Variants in DGKB observed in about 807,000 individuals in gnomAD.
DGKB encodes the protein 90 kDa diacylglycerol kinase.
Under a neutral mutation model 114.3 loss-of-function variants are expected in DGKB, and 67 were observed. The observed-to-expected ratio is 0.59, with a 90% CI of 0.48 to 0.72. The LOEUF is 0.72. Ranked by LOEUF, DGKB falls within the 30% of genes least tolerant of loss-of-function variation. DGKB has a pLI of 0.00. For missense variants in DGKB, 907 were observed against 975.2 expected, an observed-to-expected ratio of 0.93 and a Z score of 0.93; for synonymous variants, 398 against 323.1, an observed-to-expected ratio of 1.23 and a Z score of -2.49.
At chr7:14,388,149 T>C (rs934543709) in intron 21 of DGKB, among the ~76,000 whole-genome samples, 4 of 151,296 alleles carry the variant, frequency 2.6e-5, no homozygotes, top group African/African-American at 7.3e-5. Context: ...AGTGCTAGGA[T>C]TACAGACGTG....
chr7:14,822,626 T>C (rs1845099359), intron 2 of DGKB, among the ~76,000 whole-genome samples: 1 of 152,128 alleles, frequency 6.6e-6, no homozygotes, highest in African/African-American at 2.4e-5. Flanking sequence ...CAAGCTGTTG[T>C]TATATGACAG....
intron 1 of DGKB, among the ~76,000 whole-genome samples, chr7:14,874,487 A>G (rs1852957195): frequency 6.6e-6 from 1 of 152,034 alleles, no homozygotes; most frequent in African/African-American, 2.4e-5. Context: ...TGTATCTACA[A>G]AATCTTACGA....
At chr7:14,657,678 CTTAG>C (rs376706836) in intron 13 of DGKB, among the ~76,000 whole-genome samples, 34 of 151,792 alleles carry the variant, frequency 2.2e-4, no homozygotes, top group African/African-American at 8.0e-4. Flanking sequence ...AAGACACATC[CTTAG>C]TTAGTTATAT....
intron 21 of DGKB, among the ~76,000 whole-genome samples, chr7:14,393,684 C>T (rs1480709589): frequency 1.3e-5 from 2 of 152,104 alleles, no homozygotes; most frequent in Admixed American, 1.3e-4. Flanking sequence ...TTTATCTTCT[C>T]TTCCTTCATC....
intron 23 of DGKB, among the ~76,000 whole-genome samples, chr7:14,238,273 T>C (rs1262671865): frequency 6.6e-6 from 1 of 151,980 alleles, no homozygotes; most frequent in East Asian, 1.9e-4. Context: ...TTTCATAAGA[T>C]CTGACGGTTT....
At chr7:14,415,750 T>C (rs1037534110) in intron 21 of DGKB, among the ~76,000 whole-genome samples, 30 of 152,190 alleles carry the variant, frequency 2.0e-4, no homozygotes, top group Admixed American at 1.3e-4. Flanking sequence ...TGTGTCTTTA[T>C]AGCAGCATGA....
chr7:14,538,368 A>G (rs936248092), intron 20 of DGKB, among the ~76,000 whole-genome samples: 24 of 152,168 alleles, frequency 1.6e-4, no homozygotes, highest in African/African-American at 2.4e-5. Context: ...ATGATGCTCA[A>G]CAGTTGTATA....
At chr7:14,658,752 G>C (rs1005807018) in intron 13 of DGKB, among the ~76,000 whole-genome samples, 11 of 151,374 alleles carry the variant, frequency 7.3e-5, no homozygotes, top group Admixed American at 7.3e-4. Flanking sequence ...TAATAAATAT[G>C]ATTTAAAAAT....
At chr7:14,445,344 G>T (rs1029706366) in intron 21 of DGKB, among the ~76,000 whole-genome samples, 3 of 151,824 alleles carry the variant, frequency 2.0e-5, no homozygotes, top group African/African-American at 4.8e-5. Flanking sequence ...GATTTATTAT[G>T]TGGAAGAGGA....
chr7:14,822,883 C>T (rs934269728), intron 2 of DGKB, among the ~76,000 whole-genome samples: 5 of 152,012 alleles, frequency 3.3e-5, no homozygotes, highest in African/African-American at 1.2e-4. Flanking sequence ...TTTCTACTTA[C>T]CTTGTTCTTT....
intron 20 of DGKB, among the ~76,000 whole-genome samples, chr7:14,489,500 T>C (rs564726797): frequency 6.6e-6 from 1 of 152,222 alleles, no homozygotes; most frequent in Non-Finnish European, 1.5e-5. Flanking sequence ...GTCATTACAG[T>C]ATTCATTCAA....
intron 13 of DGKB, among the ~76,000 whole-genome samples, chr7:14,656,394 GT>G (rs200961109): frequency 2.7e-5 from 4 of 149,456 alleles, no homozygotes; most frequent in African/African-American, 7.3e-5. Context: ...TTAAATTTTG[GT>G]TTTTTTTTCT....
intron 20 of DGKB, among the ~76,000 whole-genome samples, chr7:14,567,199 TATATATATTATATATTTATATATA>T (rs1289759930): frequency 7.2e-5 from 5 of 69,648 alleles, no homozygotes; most frequent in South Asian, 6.8e-4. Flanking sequence ...ATTTATATAT[TATATATATTATATATTTATATATA>T]ATATATATAA....
At chr7:14,845,331 T>C (rs1368604973) in intron 1 of DGKB, among the ~76,000 whole-genome samples, 3 of 152,130 alleles carry the variant, frequency 2.0e-5, no homozygotes, top group African/African-American at 7.2e-5. Flanking sequence ...ACATTTGTTT[T>C]GAATATAACA....
chr7:14,806,829 C>T (rs1231076339), intron 2 of DGKB, among the ~76,000 whole-genome samples: 1 of 151,788 alleles, frequency 6.6e-6, no homozygotes, highest in Non-Finnish European at 1.5e-5. Flanking sequence ...TCCTTTATTA[C>T]AGGGCAACAG....
chr7:14,820,332 T>C (rs772793940), intron 2 of DGKB, among the ~76,000 whole-genome samples: 19 of 152,164 alleles, frequency 1.2e-4, no homozygotes, highest in Admixed American at 2.0e-4. Flanking sequence ...ACTTGGAATT[T>C]AGTAATGTTT....
intron 1 of DGKB, among the ~76,000 whole-genome samples, chr7:14,893,955 T>G (rs1781705482): frequency 6.6e-6 from 1 of 151,016 alleles, no homozygotes; most frequent in Non-Finnish European, 1.5e-5. Flanking sequence ...GTTCATAAGT[T>G]TTTTTTTCCA....
At chr7:14,369,201 G>A (rs1345198581) in intron 21 of DGKB, among the ~76,000 whole-genome samples, 1 of 152,034 alleles carries the variant, frequency 6.6e-6, no homozygotes, top group East Asian at 1.9e-4. Flanking sequence ...TTAGTTTTCT[G>A]AGAATGATGA....
At chr7:14,357,169 C>T (rs1356141026) in intron 21 of DGKB, among the ~76,000 whole-genome samples, 1 of 152,096 alleles carries the variant, frequency 6.6e-6, no homozygotes, top group Non-Finnish European at 1.5e-5. Flanking sequence ...TTCTGTCTCA[C>T]TGATCTGTCT....
Sources: allele counts gnomAD v4.1 joint callset (sites outside exome capture counted in the v4.1 genomes callset), GRCh38; gene constraint gnomAD v4.1.1; transcripts MANE v1.5; gene names NCBI Gene and HGNC (gene_info 2026-07-23, HGNC 2026-07-21).